Variants in DLGAP2 observed in about 807,000 individuals in gnomAD.
DLGAP2 encodes DLG associated protein 2.
In DLGAP2, 26 loss-of-function variants were observed where a neutral mutation model predicts 100.3. That is an observed-to-expected ratio of 0.26 (90% CI 0.19 to 0.36). The LOEUF (loss-of-function observed/expected upper bound fraction) is 0.36. DLGAP2 is among the 10% of genes least tolerant of loss of function. The pLI, the probability that DLGAP2 is intolerant of heterozygous loss-of-function variation, is 1.00. For synonymous variants in DLGAP2, 886 were observed against 630.1 expected (o/e 1.41, Z -6.08); for missense variants, 1,858 against 1,453.2 (o/e 1.28, Z -4.53).
intron 1 of DLGAP2, among the ~76,000 whole-genome samples, chr8:885,426 C>G (rs925239714): frequency 6.6e-6 from 1 of 152,016 alleles, no homozygotes; most frequent in Non-Finnish European, 1.5e-5. Context: ...GGCTCTTTGT[C>G]TATTGTTGGT....
At chr8:1,416,184 G>C (rs1165123537) in intron 3 of DLGAP2, among the ~76,000 whole-genome samples, 1 of 152,184 alleles carries the variant, frequency 6.6e-6, no homozygotes, top group Non-Finnish European at 1.5e-5. Flanking sequence ...CCTGTCCCCA[G>C]ACGATGCCTG....
intron 1 of DLGAP2, among the ~76,000 whole-genome samples, chr8:742,333 T>G (rs1320541955): frequency 6.6e-6 from 1 of 152,244 alleles, no homozygotes; most frequent in Non-Finnish European, 1.5e-5. Flanking sequence ...TTAAAAATTT[T>G]TAAAGTAACC....
chr8:1,370,736 G>A (rs1457973703), intron 3 of DLGAP2, among the ~76,000 whole-genome samples: 2 of 152,174 alleles, frequency 1.3e-5, no homozygotes, highest in East Asian at 1.9e-4. Flanking sequence ...CTTTGCTGGT[G>A]TATGTAGGAG....
At chr8:1,415,957 A>G (rs1192520113) in intron 3 of DLGAP2, among the ~76,000 whole-genome samples, 4 of 152,198 alleles carry the variant, frequency 2.6e-5, no homozygotes, top group Admixed American at 6.5e-5. Context: ...TTTCATGACT[A>G]AAAGAATATT....
chr8:1,157,600 G>C (rs1220036183), intron 2 of DLGAP2, among the ~76,000 whole-genome samples: 1 of 152,160 alleles, frequency 6.6e-6, no homozygotes, highest in Non-Finnish European at 1.5e-5. Context: ...CGGTGGCGCT[G>C]TGTTTGTTCT....
intron 2 of DLGAP2, among the ~76,000 whole-genome samples, chr8:1,199,751 A>T (rs1215538086): frequency 6.6e-6 from 1 of 152,174 alleles, no homozygotes; most frequent in Non-Finnish European, 1.5e-5. Flanking sequence ...ACACTTTAGC[A>T]TGAGAGCTCT....
intron 4 of DLGAP2, among the ~76,000 whole-genome samples, chr8:1,535,015 A>C (rs1801109405): frequency 6.6e-6 from 1 of 152,346 alleles, no homozygotes; most frequent in South Asian, 2.1e-4. Context: ...TCGTGTCCCA[A>C]GCGTTCATTT....
At chr8:1,004,693 A>C (rs907275527) in intron 2 of DLGAP2, among the ~76,000 whole-genome samples, 14 of 152,086 alleles carry the variant, frequency 9.2e-5, no homozygotes, top group African/African-American at 3.4e-4. Flanking sequence ...GGAAGGTGGG[A>C]GTGTCTCCAG....
At chr8:737,960 G>A (rs1585807523) in intron 1 of DLGAP2, 135 bp downstream of exon 1, 1 of 340,966 alleles carries the variant, frequency 2.9e-6, no homozygotes. Flanking sequence ...AGCGGGGGTC[G>A]TGCCGCCCGC....
intron 3 of DLGAP2, among the ~76,000 whole-genome samples, chr8:1,449,825 C>T (rs946075261): frequency 5.5e-5 from 8 of 146,538 alleles, no homozygotes; most frequent in Admixed American, 3.5e-4. Context: ...TGGGCGGCCT[C>T]GGTGGCTGTG....
chr8:1,177,984 G>T (rs984025797), intron 2 of DLGAP2, among the ~76,000 whole-genome samples: 7 of 152,232 alleles, frequency 4.6e-5, no homozygotes, highest in East Asian at 1.9e-4. Context: ...AGCATCTCCC[G>T]GTGAAGGGCT....
rs1245270550 is a variant in DLGAP2, at chr8:1,347,574, T to C, written c.106+88691T>C. ...TTGTTCCTACACAGAGCTACATTGC[T>C]GTCTTGGTAACTGTGTGGAGGTTGA... is the stretch of plus-strand genomic sequence containing the variant. On this transcript the variant is annotated intron_variant, in intron 3 of 14. Transcript: ENST00000637795. Among the ~76,000 whole-genome samples, 4 of 148,396 alleles carry C rather than the reference T, an allele frequency of 2.7e-5. No homozygotes were observed. The East Asian group carries it at 8.1e-4, about 30-fold the overall frequency.
chr8:1,513,336 C>G (rs532809615), intron 4 of DLGAP2, among the ~76,000 whole-genome samples: 4 of 151,840 alleles, frequency 2.6e-5, no homozygotes, highest in South Asian at 4.2e-4. Flanking sequence ...AGGCCACAGG[C>G]CAGCTCCAGG....
chr8:1,435,955 C>G (rs1265266656), intron 3 of DLGAP2, among the ~76,000 whole-genome samples: 12 of 152,096 alleles, frequency 7.9e-5, no homozygotes, highest in Admixed American at 2.0e-4. Flanking sequence ...ATTTGTACAG[C>G]TGTACAATGC....
chr8:1,350,146 A>G lies in DLGAP2; in HGVS notation c.106+91263A>G, dbSNP rs554810144. Among the ~76,000 whole-genome samples the G allele has an allele frequency of 3.9e-5, 6 of 152,106 alleles. No individual in the cohort carries two copies. The East Asian group carries it at 1.2e-3, about 29-fold the overall frequency. On this transcript the variant is annotated intron_variant, in intron 3 of 14. Coordinates refer to ENST00000637795, the MANE Select transcript of DLGAP2 (RefSeq NM_001346810.2). ...TTAAACTGCAGGAAGAAATAAAAAC[A>G]TCCCCGACTACTTCATGCTCTTGTG...
At chr8:1,253,115 A>T (rs1799086382) in intron 2 of DLGAP2, among the ~76,000 whole-genome samples, 1 of 152,152 alleles carries the variant, frequency 6.6e-6, no homozygotes, top group African/African-American at 2.4e-5. Context: ...CTGTAGAAGG[A>T]GCACAGATGC....
chr8:1,675,902 CA>C (rs1349683605), intron 10 of DLGAP2, among the ~76,000 whole-genome samples: 3 of 151,788 alleles, frequency 2.0e-5, no homozygotes, highest in Non-Finnish European at 4.4e-5. Flanking sequence ...ATGATCATTG[CA>C]AGGCTTGTTG....
chr8:1,551,784 T>G (rs1801775755), intron 5 of DLGAP2, among the ~76,000 whole-genome samples: 1 of 150,936 alleles, frequency 6.6e-6, no homozygotes, highest in Admixed American at 6.6e-5. Context: ...CTCCCAGAGA[T>G]CCACACGGAA....
chr8:1,145,379 C>G (rs1033878767), intron 2 of DLGAP2, among the ~76,000 whole-genome samples: 1 of 152,122 alleles, frequency 6.6e-6, no homozygotes, highest in Admixed American at 6.5e-5. Context: ...GGCTGCGGTT[C>G]CACTCGCCCA....
Sources: gnomAD v4.1 joint callset for allele counts (sites outside exome capture counted in the v4.1 genomes callset) on GRCh38, gnomAD v4.1.1 for gene constraint, MANE v1.5 for transcripts, NCBI Gene and HGNC (gene_info 2026-07-23, HGNC 2026-07-21) for gene names.